The following ERC1 variants were observed in gnomAD, a reference collection of about 807,000 sequenced individuals.
The protein encoded by ERC1 is RAB6 interacting protein 2.
Under a neutral mutation model 132.0 loss-of-function variants are expected in ERC1, and 56 were observed. The observed-to-expected ratio is 0.42, with a 90% CI of 0.34 to 0.53. The LOEUF is 0.53. Among genes scored for constraint, ERC1 ranks in the 20% least tolerant of loss-of-function variants. The pLI is 0.03. For synonymous variants in ERC1, 478 were observed against 476.1 expected (o/e 1.00, Z -0.05); for missense variants, 1,202 against 1,349.9 (o/e 0.89, Z 1.72).
At chr12:1,452,954 C>G (rs150909659) in intron 18 of ERC1, among the ~76,000 whole-genome samples, 299 of 152,282 alleles carry the variant, frequency 2.0e-3, no homozygotes, top group African/African-American at 7.0e-3. Flanking sequence ...CACTTTCATA[C>G]GTTTAATGTG....
chr12:1,462,853 T>A (rs2093669562), intron 18 of ERC1, among the ~76,000 whole-genome samples: 1 of 152,234 alleles, frequency 6.6e-6, no homozygotes, highest in Admixed American at 6.5e-5. Context: ...CAGTCTCCTT[T>A]TGAACTGTTT....
chr12:1,475,636 A>T (rs2093954963), intron 18 of ERC1, among the ~76,000 whole-genome samples: 1 of 152,226 alleles, frequency 6.6e-6, no homozygotes, highest in Admixed American at 6.5e-5. Flanking sequence ...ATGAAATTGA[A>T]GCAGTAGCTC....
At chr12:1,052,951 C>T (rs1972283649) in intron 2 of ERC1, among the ~76,000 whole-genome samples, 1 of 149,314 alleles carries the variant, frequency 6.7e-6, no homozygotes, top group South Asian at 2.1e-4. Flanking sequence ...GTCTGGGCAA[C>T]AAGAGTGAAA....
At position 1,102,635 on chromosome 12, in the gene ERC1, G is replaced by A. The variant is rs577073826; in HGVS notation, c.1087-2115G>A. Reference sequence around the variant, plus strand: ...TGTCTATTAAGCGCTTACCAGTGTGGCAGCTACTGTTGTAGGTGCTTTGGA... The same window carrying A: ...TGTCTATTAAGCGCTTACCAGTGTGACAGCTACTGTTGTAGGTGCTTTGGA... On this transcript the variant is annotated intron_variant, in intron 3 of 18. Transcript: ENST00000360905. Among the ~76,000 whole-genome samples, 6 of 152,308 alleles carry A rather than the reference G, an allele frequency of 3.9e-5. No homozygotes were observed. The South Asian group carries it at 1.2e-3, about 32-fold the overall frequency.
chr12:1,370,542 G>A (rs1444663309), intron 15 of ERC1, among the ~76,000 whole-genome samples: 1 of 152,054 alleles, frequency 6.6e-6, no homozygotes, highest in Non-Finnish European at 1.5e-5. Flanking sequence ...CAGATCATCT[G>A]GAAGCTACAG....
intron 15 of ERC1, among the ~76,000 whole-genome samples, chr12:1,369,519 A>G (rs2086977786): frequency 6.6e-6 from 1 of 152,204 alleles, no homozygotes. Flanking sequence ...GATTCTGACT[A>G]TTGGTGCACA....
At chr12:1,385,287 T>A (rs1566735998) in intron 16 of ERC1, among the ~76,000 whole-genome samples, 1 of 152,342 alleles carries the variant, frequency 6.6e-6, no homozygotes, top group East Asian at 1.9e-4. Flanking sequence ...CCTATCTTTT[T>A]TTTTTCTTTT....
At chr12:1,110,409 A>G in intron 5 of ERC1, 62 bp downstream of exon 5, 1 of 1,397,128 alleles carries the variant, frequency 7.2e-7, no homozygotes, top group Non-Finnish European at 9.9e-7. Context: ...CATATTTTTT[A>G]CTTCTCTAGT....
At chr12:1,099,642 G>A (rs1461568700) in intron 3 of ERC1, among the ~76,000 whole-genome samples, 1 of 151,994 alleles carries the variant, frequency 6.6e-6, no homozygotes, top group Non-Finnish European at 1.5e-5. Context: ...ATTGTACTGT[G>A]TATTGTTCTG....
chr12:1,322,869 T>G (rs12309251), intron 15 of ERC1, among the ~76,000 whole-genome samples: 34,211 of 152,088 alleles, frequency 0.22, 4,217 homozygotes, highest in Non-Finnish European at 0.27. Flanking sequence ...AATTCAGTTA[T>G]CTCAAATTAT....
chr12:1,304,944 C>T (rs7961910), intron 15 of ERC1, among the ~76,000 whole-genome samples: 56,607 of 149,634 alleles, frequency 0.38, 11,089 homozygotes, highest in Middle Eastern at 0.5. Context: ...CGCCCGCCCC[C>T]ACGCCCGGCT....
At chr12:1,393,402 G>T (rs577251301) in intron 16 of ERC1, among the ~76,000 whole-genome samples, 2 of 152,098 alleles carry the variant, frequency 1.3e-5, no homozygotes, top group Non-Finnish European at 2.9e-5. Flanking sequence ...GGGCGTGGTG[G>T]TGCACATCTG....
chr12:994,831 T>G (rs1960456489), intron 1 of ERC1, among the ~76,000 whole-genome samples: 1 of 151,906 alleles, frequency 6.6e-6, no homozygotes, highest in Non-Finnish European at 1.5e-5. Flanking sequence ...GTGCGGTGGC[T>G]CACGCCTGTA....
At chr12:1,326,959 T>A (rs2082489355) in intron 15 of ERC1, among the ~76,000 whole-genome samples, 1 of 152,188 alleles carries the variant, frequency 6.6e-6, no homozygotes, top group South Asian at 2.1e-4. Flanking sequence ...CTACTAGAAC[T>A]GAGGTATTTC....
At chr12:1,436,370 C>T (rs1413692425) in intron 17 of ERC1, among the ~76,000 whole-genome samples, 2 of 152,168 alleles carry the variant, frequency 1.3e-5, no homozygotes, top group East Asian at 3.9e-4. Flanking sequence ...ATGTGTTCCT[C>T]TTCAGTTCAG....
At chr12:1,480,694 G>T (rs914486067) in intron 18 of ERC1, 2 of 549,700 alleles carry the variant, frequency 3.6e-6, no homozygotes, top group Non-Finnish European at 6.4e-6. Flanking sequence ...GCCTAAAGGG[G>T]CCTGCCTTGA....
intron 8 of ERC1, among the ~76,000 whole-genome samples, chr12:1,145,248 C>T (rs912423465): frequency 1.3e-5 from 2 of 152,146 alleles, no homozygotes; most frequent in African/African-American, 4.8e-5. Flanking sequence ...AACTCCTGAT[C>T]TCAGGTGATC....
intron 18 of ERC1, among the ~76,000 whole-genome samples, chr12:1,481,198 G>T (rs956876098): frequency 5.3e-5 from 8 of 152,210 alleles, no homozygotes; most frequent in African/African-American, 1.9e-4. Context: ...AATTGAAACC[G>T]TGGAAAGGGA....
At chr12:1,149,372 T>C (rs1466052056) in intron 8 of ERC1, among the ~76,000 whole-genome samples, 1 of 152,190 alleles carries the variant, frequency 6.6e-6, no homozygotes, top group Non-Finnish European at 1.5e-5. Flanking sequence ...AAACTTAGTT[T>C]TAATACAGTA....
Sources: allele counts gnomAD v4.1 joint callset (sites outside exome capture counted in the v4.1 genomes callset), GRCh38; gene constraint gnomAD v4.1.1; transcripts MANE v1.5; gene names NCBI Gene and HGNC (gene_info 2026-07-23, HGNC 2026-07-21).